Variants in PDS5A observed in about 807,000 individuals in gnomAD.
The protein encoded by PDS5A is sister chromatid cohesion protein PDS5 homolog A.
PDS5A carries 42 observed loss-of-function variants against 167.1 expected under a neutral mutation model. That is an observed-to-expected ratio of 0.25 (90% CI 0.20 to 0.33). The LOEUF is 0.33. Ranked by LOEUF, PDS5A falls within the 10% of genes least tolerant of loss-of-function variation. The probability of loss-of-function intolerance (pLI) is 1.00; values close to 1 mark genes in which losing one functional copy is unlikely to be tolerated. For missense variants in PDS5A, 1,033 were observed against 1,605.9 expected (o/e 0.64, Z 6.10); for synonymous variants, 553 against 554.6 (o/e 1.00, Z 0.04).
intron 2 of PDS5A, among the ~76,000 whole-genome samples, chr4:39,965,578 A>G (rs1425776120): frequency 6.6e-6 from 1 of 152,236 alleles, no homozygotes; most frequent in African/African-American, 2.4e-5. Flanking sequence ...AAAGGGAAGG[A>G]AGTAATAACA....
chr4:39,867,655 G>A (rs943547314), intron 22 of PDS5A, among the ~76,000 whole-genome samples: 5 of 151,852 alleles, frequency 3.3e-5, no homozygotes, highest in African/African-American at 7.3e-5. Context: ...GGGAGGCAGA[G>A]GTTGCAGTGA....
chr4:39,922,664 T>C lies in PDS5A; in HGVS notation c.612A>G (p.Glu204=), dbSNP rs1183315368. 1.2e-6 allele frequency: 2 copies of C among 1,603,274 alleles called. No individual in the cohort carries two copies. Among genetic ancestry groups the C allele is most frequent in the South Asian group, 1.1e-5 (1 of 88,994 alleles). Residue 204 remains glutamate, a synonymous_variant, in exon 6 of 33, where the codon GAA becomes GAG. Coordinates refer to ENST00000303538, the MANE Select transcript of PDS5A (RefSeq NM_001100399.2). ...GGTTAATAAGAATGGAGTCCAATAA[T>C]TCTTGAGTAACTCCATCACCTTCCA... ...IIMEGDGVTQ[E]LLDSILINLI... is the part of the protein sequence containing the mutation.
chr4:39,898,625 T>C lies in PDS5A; in HGVS notation c.1631-97A>G, dbSNP rs983315431. 6 of 956,352 alleles carry C rather than the reference T, an allele frequency of 6.3e-6. No individual in the cohort carries two copies. In the African/African-American group the frequency reaches 1.0e-4, roughly 16 times the overall value. 59.2% of individuals were successfully genotyped at this position (956,352 alleles called of 1,614,324 possible). A position where few individuals can be genotyped will look rare whatever the true frequency, so the allele number is the denominator to read the frequency against. On this transcript the variant is annotated intron_variant, in intron 15 of 32. Coordinates refer to ENST00000303538, the MANE Select transcript of PDS5A (RefSeq NM_001100399.2). ...TGCCATCAAAATATTGCGGAGCCAC[T>C]AAAAGAAAATCAGCCTAGCTGGTTC...
intron 5 of PDS5A, among the ~76,000 whole-genome samples, chr4:39,924,814 T>C (rs184332360): frequency 6.6e-6 from 1 of 152,286 alleles, no homozygotes. Flanking sequence ...TAATTTACTA[T>C]ACAAAAAACA....
At chr4:39,864,321 A>G (rs1719245468) in intron 23 of PDS5A, among the ~76,000 whole-genome samples, 1 of 152,118 alleles carries the variant, frequency 6.6e-6, no homozygotes, top group Non-Finnish European at 1.5e-5. Flanking sequence ...ACAAATACCT[A>G]AAGGATATGA....
chr4:39,924,231 T>C (rs1725264219), intron 5 of PDS5A, among the ~76,000 whole-genome samples: 1 of 152,160 alleles, frequency 6.6e-6, no homozygotes, highest in Admixed American at 6.6e-5. Flanking sequence ...GCCAACTGAC[T>C]ACAAACACAG....
intron 2 of PDS5A, among the ~76,000 whole-genome samples, chr4:39,968,257 A>T (rs145130847): frequency 1.6e-4 from 25 of 151,962 alleles, no homozygotes; most frequent in Non-Finnish European, 1.3e-4. Context: ...CACCAGACCT[A>T]TAAGTGTATT....
chr4:39,901,495 C>T (rs144365008), intron 13 of PDS5A, among the ~76,000 whole-genome samples: 6 of 152,154 alleles, frequency 3.9e-5, no homozygotes, highest in African/African-American at 1.4e-4. Flanking sequence ...GTCTCGAACT[C>T]CTAACCTCAA....
chr4:39,976,637 A>T lies in PDS5A; in HGVS notation c.-40-20T>A. On this transcript the variant is annotated intron_variant, in intron 1 of 32. Transcript: ENST00000303538. The stretch of plus-strand genomic sequence containing the variant: ...CGGCCTCTATCGGTCAGAAAACCAA[A>T]GTTCAGCGGGAAAGGGGCGACTTTG... 7.1e-7 allele frequency: 1 copy of T among 1,402,340 alleles called. No homozygotes were observed. Among genetic ancestry groups the T allele is most frequent in the Non-Finnish European group, 9.8e-7 (1 of 1,016,260 alleles). The allele number at this position is 1,402,340 out of a possible 1,614,324, so 86.9% of individuals were successfully genotyped here.
chr4:39,828,610 T>C (rs142679840), intron 32 of PDS5A, among the ~76,000 whole-genome samples: 18 of 152,202 alleles, frequency 1.2e-4, no homozygotes, highest in Non-Finnish European at 1.9e-4. Flanking sequence ...TAAACTGTAG[T>C]TGGCATATAC....
intron 2 of PDS5A, among the ~76,000 whole-genome samples, chr4:39,956,365 T>C (rs551819956): frequency 1.8e-4 from 27 of 150,198 alleles, no homozygotes; most frequent in Admixed American, 1.7e-3. Context: ...TGGTGGCTCA[T>C]GCCTGTAGTC....
In PDS5A at chr4:39,825,460, A is replaced by G. The variant is rs1321349658; in HGVS notation, c.*25T>C. On this transcript the variant is annotated 3_prime_UTR_variant, in exon 33 of 33. Transcript: ENST00000303538. Reference sequence around the variant, plus strand: ...TGGAGCCTGCTTCTGTTTGGCCTTCATTTTCTCCCTTTGCAAATGCATTTT... The same window carrying G: ...TGGAGCCTGCTTCTGTTTGGCCTTCGTTTTCTCCCTTTGCAAATGCATTTT... 1.3e-6 allele frequency: 2 copies of G among 1,576,192 alleles called. No individual in the cohort carries two copies. Among genetic ancestry groups the G allele is most frequent in the Non-Finnish European group, 1.7e-6 (2 of 1,158,026 alleles).
intron 26 of PDS5A, among the ~76,000 whole-genome samples, chr4:39,854,137 T>TA (rs1038992375): frequency 1.3e-5 from 2 of 151,648 alleles, no homozygotes; most frequent in Non-Finnish European, 2.9e-5. Flanking sequence ...CTCCATCTCT[T>TA]AAAAAAAATA....
At chr4:39,934,605 C>CTT (rs955582839) in intron 2 of PDS5A, among the ~76,000 whole-genome samples, 1 of 109,210 alleles carries the variant, frequency 9.2e-6, no homozygotes, top group African/African-American at 3.3e-5. Context: ...CTTAGTATTT[C>CTT]TTTTTTTTTC....
intron 2 of PDS5A, among the ~76,000 whole-genome samples, chr4:39,934,624 T>C (rs1726406408): frequency 1.1e-5 from 1 of 87,292 alleles, no homozygotes; most frequent in Non-Finnish European, 2.9e-5. Context: ...TCTTTTTTTT[T>C]TTTTTTTTAA....
rs1453874072 is a variant in PDS5A at position 39,977,682 on chromosome 4, C to CCA, written c.-267_-266insTG. ...GTGAGCGCTGGGCGGGGAGACAGTG[C>CCA]CGCTCTCCGTCTGGCCGAGGAAGAG... On this transcript the variant is annotated 5_prime_UTR_variant, in exon 1 of 33. Coordinates refer to ENST00000303538, the MANE Select transcript of PDS5A (RefSeq NM_001100399.2). This position sits in a 1 kb window ranked among gnomAD's most constrained non-coding sequence, Gnocchi z 4.2. 6.6e-6 allele frequency: 1 copy of CCA among 150,902 alleles called. No homozygotes were observed. Among genetic ancestry groups the CCA allele is most frequent in the Non-Finnish European group, 1.5e-5 (1 of 67,604 alleles). 9.3% of individuals were successfully genotyped at this position (150,902 alleles called of 1,614,324 possible). A position where few individuals can be genotyped will look rare whatever the true frequency, so the allele number is the denominator to read the frequency against.
Position 39,823,475 on chromosome 4 carries a change from C to T in PDS5A, c.*2010G>A, listed in dbSNP as rs548087268. 9 of 152,508 alleles carry T rather than the reference C, an allele frequency of 5.9e-5. No homozygotes were observed. Among genetic ancestry groups the T allele is most frequent in the South Asian group, 2.1e-4 (1 of 4,814 alleles). The allele number at this position is 152,508 out of a possible 1,614,324, so 9.4% of individuals were successfully genotyped here. A position where few individuals can be genotyped will look rare whatever the true frequency, so the allele number is the denominator to read the frequency against. ...TTGGTAATCTAGTAAACTGTGATGC[C>T]GGGCAATTAATCAAAGGGAGGAAGA... On this transcript the variant is annotated 3_prime_UTR_variant, in exon 33 of 33. Coordinates refer to ENST00000303538, the MANE Select transcript of PDS5A (RefSeq NM_001100399.2).
At chr4:39,975,172 G>A (rs1401105877) in intron 2 of PDS5A, among the ~76,000 whole-genome samples, 1 of 151,772 alleles carries the variant, frequency 6.6e-6, no homozygotes, top group African/African-American at 2.4e-5. Context: ...CCAGCTACTT[G>A]GGAGGCTGAG....
intron 2 of PDS5A, among the ~76,000 whole-genome samples, chr4:39,940,595 C>T (rs1215684286): frequency 6.6e-6 from 1 of 152,146 alleles, no homozygotes; most frequent in African/African-American, 2.4e-5. Context: ...TGAATTCCTT[C>T]ACATAAAAAT....
Sources: gnomAD v4.1 joint callset for allele counts (sites outside exome capture counted in the v4.1 genomes callset) on GRCh38, gnomAD v4.1.1 for gene constraint, Gnocchi (gnomAD v3.1) non-coding constraint, MANE v1.5 for transcripts, NCBI Gene and HGNC (gene_info 2026-07-23, HGNC 2026-07-21) for gene names.